Variants in ABAT observed in about 807,000 individuals in gnomAD.
ABAT encodes the protein 4-aminobutyrate aminotransferase, mitochondrial.
In ABAT, 45 loss-of-function variants were observed where a neutral mutation model predicts 64.6. That is an observed-to-expected ratio of 0.70 (90% CI 0.55 to 0.89). The LOEUF is 0.89. Among genes scored for constraint, ABAT ranks in the 40% least tolerant of loss-of-function variants. ABAT has a pLI of 0.00. For missense variants in ABAT, 633 were observed against 658.4 expected (o/e 0.96, Z 0.42); for synonymous variants, 297 against 250.5 (o/e 1.19, Z -1.75).
At chr16:8,779,452 C>G (rs761297116) in intron 14 of ABAT, 27 bp from the exon 15 acceptor site, 2 of 1,595,778 alleles carry the variant, frequency 1.3e-6, no homozygotes, top group Non-Finnish European at 1.7e-6. Context: ...TGGGCTTTGA[C>G]GCCAGCCTTG....
At position 8,768,952 on chromosome 16, in the gene ABAT, G is replaced by C. The variant is rs1139525; in HGVS notation, c.795G>C (p.Glu265Asp). ...AGTTTGTGAAAGAGAACCAACAGGA[G>C]GAGGCCCGCTGTCTGGAAGAGGTAA... Reference protein sequence around the residue: ...LEEFVKENQQEEARCLEEVED... With the variant: ...LEEFVKENQQDEARCLEEVED... Residue 265 changes from glutamate to aspartate, a missense_variant, in exon 11 of 16, where the codon GAG becomes GAC. Coordinates refer to ENST00000268251, the MANE Select transcript of ABAT (RefSeq NM_020686.6). 6.2e-7 allele frequency: 1 copy of C among 1,614,024 alleles called. No individual in the cohort carries two copies. The highest frequency in any genetic ancestry group is 1.7e-5 in the Admixed American group (1 of 60,002).
intron 5 of ABAT, among the ~76,000 whole-genome samples, chr16:8,757,039 C>G (rs1196516843): frequency 2.0e-5 from 3 of 152,100 alleles, no homozygotes; most frequent in Non-Finnish European, 2.9e-5. Context: ...AAACATTTGT[C>G]GAGATTTGAC....
chr16:8,743,953 C>T (rs750573634), intron 2 of ABAT, among the ~76,000 whole-genome samples: 8 of 151,970 alleles, frequency 5.3e-5, no homozygotes, highest in Admixed American at 1.3e-4. Flanking sequence ...TTGGATACAC[C>T]GCACCTGTCT....
Position 8,781,884 on chromosome 16 carries a change from ACTCTCACCTCCTCTCCC to A in ABAT, c.*455_*471del. 3.3e-6 allele frequency: 1 copy of A among 299,530 alleles called. No individual in the cohort carries two copies. Among genetic ancestry groups the A allele is most frequent in the South Asian group, 3.2e-5 (1 of 31,058 alleles). The allele number at this position is 299,530 out of a possible 1,614,324, so 18.6% of individuals were successfully genotyped here. A position where few individuals can be genotyped will look rare whatever the true frequency, so the allele number is the denominator to read the frequency against. On this transcript the variant is annotated 3_prime_UTR_variant, in exon 16 of 16. Coordinates refer to ENST00000268251, the MANE Select transcript of ABAT (RefSeq NM_020686.6). The surrounding 1 kb of genome is among the most constrained non-coding windows in gnomAD (Gnocchi z 4.5). ...CCCCTCGCCCTATGCAAGCAAACAC[ACTCTCACCTCCTCTCCC>A]AGCCTCCCGGAGCTCTGAGCACGCC...
intron 1 of ABAT, among the ~76,000 whole-genome samples, chr16:8,728,595 G>T (rs564601912): frequency 3.9e-5 from 6 of 152,280 alleles, no homozygotes; most frequent in Non-Finnish European, 8.8e-5. Flanking sequence ...AAGAGTTTGG[G>T]CCATGCACAG....
At position 8,772,804 on chromosome 16, in the gene ABAT, C is replaced by G. The variant is rs755955325; in HGVS notation, c.841C>G (p.Arg281Gly). The G allele has an allele frequency of 6.2e-7, 1 of 1,614,094 alleles. No individual in the cohort carries two copies. The highest frequency in any genetic ancestry group is 8.5e-7 in the Non-Finnish European group (1 of 1,180,020). ...GGTGGAGGATCTGATTGTGAAATAT[C>G]GGAAAAAGAAGAAGACGGTGGCCGG... The part of the protein sequence containing the change: ...EEVEDLIVKY[R>G]KKKKTVAGII... Residue 281 changes from arginine (R) to glycine (G), a missense_variant, in exon 12 of 16, where the codon CGG becomes GGG. Physicochemically the swap from Arg to Gly is moderately radical, Grantham distance 125. Coordinates refer to ENST00000268251, the MANE Select transcript of ABAT (RefSeq NM_020686.6).
intron 1 of ABAT, among the ~76,000 whole-genome samples, chr16:8,717,389 G>A (rs916205015): frequency 6.6e-6 from 1 of 152,158 alleles, no homozygotes; most frequent in African/African-American, 2.4e-5. Flanking sequence ...GGTTTCAGCT[G>A]TTTTTGCTTT....
At chr16:8,735,922 T>G (rs536806247) in intron 2 of ABAT, 113 bp downstream of exon 2, 1 of 877,578 alleles carries the variant, frequency 1.1e-6, no homozygotes, top group African/African-American at 1.7e-5. Context: ...AGTGAGTGTT[T>G]CTGGGACTGT....
chr16:8,756,629 A>G (rs568347705), intron 5 of ABAT, among the ~76,000 whole-genome samples: 1 of 152,348 alleles, frequency 6.6e-6, no homozygotes, highest in South Asian at 2.1e-4. Context: ...GTAAGCATAC[A>G]CATATCCTGT....
chr16:8,698,116 C>T (rs1176495582), intron 1 of ABAT, among the ~76,000 whole-genome samples: 1 of 152,198 alleles, frequency 6.6e-6, no homozygotes, highest in Non-Finnish European at 1.5e-5. Flanking sequence ...TCTTACAGTT[C>T]TAGAGGCCAG....
intron 5 of ABAT, among the ~76,000 whole-genome samples, chr16:8,754,161 A>G (rs1407439160): frequency 7.0e-6 from 1 of 142,290 alleles, no homozygotes; most frequent in East Asian, 2.2e-4. Flanking sequence ...CCTAGCCAAC[A>G]TGTTGAAACC....
chr16:8,745,003 G>A (rs901461427), intron 2 of ABAT, among the ~76,000 whole-genome samples: 10 of 151,974 alleles, frequency 6.6e-5, no homozygotes, highest in African/African-American at 2.4e-4. Flanking sequence ...TTGTTTGTTT[G>A]TTGAGACAGC....
At chr16:8,694,753 G>C (rs1210299623) in intron 1 of ABAT, among the ~76,000 whole-genome samples, 1 of 152,218 alleles carries the variant, frequency 6.6e-6, no homozygotes, top group Non-Finnish European at 1.5e-5. Context: ...TCAAATTCCA[G>C]TGGAGTGTGG....
At chr16:8,754,034 A>G (rs980557543) in intron 5 of ABAT, among the ~76,000 whole-genome samples, 5 of 152,090 alleles carry the variant, frequency 3.3e-5, no homozygotes, top group African/African-American at 1.2e-4. Context: ...CCACATTGAC[A>G]TAAAGTCTCC....
At chr16:8,720,540 GT>G (rs1231376170) in intron 1 of ABAT, among the ~76,000 whole-genome samples, 2 of 152,222 alleles carry the variant, frequency 1.3e-5, no homozygotes, top group East Asian at 3.9e-4. Context: ...AGAAGAGGCT[GT>G]TGCAGCTGAA....
chr16:8,692,109 G>A (rs1031335362), intron 1 of ABAT, among the ~76,000 whole-genome samples: 4 of 152,134 alleles, frequency 2.6e-5, no homozygotes, highest in African/African-American at 7.2e-5. Flanking sequence ...GCCAGTCGCC[G>A]TGGGCTCATG....
intron 1 of ABAT, among the ~76,000 whole-genome samples, chr16:8,698,111 C>G (rs943054925): frequency 5.9e-5 from 9 of 152,202 alleles, no homozygotes; most frequent in Non-Finnish European, 1.5e-5. Context: ...TATTCTCTTA[C>G]AGTTCTAGAG....
intron 1 of ABAT, among the ~76,000 whole-genome samples, chr16:8,680,670 C>T (rs998393647): frequency 4.6e-5 from 7 of 152,180 alleles, no homozygotes; most frequent in East Asian, 1.9e-4. Flanking sequence ...TCAAGTGATC[C>T]GCCTGCCTCG....
chr16:8,685,408 C>T (rs967101282), intron 1 of ABAT, among the ~76,000 whole-genome samples: 40 of 150,204 alleles, frequency 2.7e-4, no homozygotes, highest in African/African-American at 8.3e-4. Flanking sequence ...TGGTGGCTCT[C>T]GCCTGTAATC....
Sources: gnomAD v4.1 joint callset for allele counts (sites outside exome capture counted in the v4.1 genomes callset) on GRCh38, gnomAD v4.1.1 for gene constraint, Gnocchi (gnomAD v3.1) non-coding constraint, MANE v1.5 for transcripts, NCBI Gene and HGNC (gene_info 2026-07-23, HGNC 2026-07-21) for gene names.